Variants in CCDC7 observed in about 807,000 individuals in gnomAD.
The protein encoded by CCDC7 is coiled-coil domain-containing protein 7.
CCDC7 carries 183 observed loss-of-function variants against 196.9 expected under a neutral mutation model. That is an observed-to-expected ratio of 0.93 (90% CI 0.82 to 1.05). The LOEUF (loss-of-function observed/expected upper bound fraction) is 1.05, where lower values mean the gene tolerates loss of function less well. Among genes scored for constraint, CCDC7 ranks in the 50% least tolerant of loss-of-function variants. The probability of loss-of-function intolerance (pLI) is 0.00; values close to 1 mark genes in which losing one functional copy is unlikely to be tolerated. For synonymous variants in CCDC7, 525 were observed against 484.6 expected (o/e 1.08, Z -1.10); for missense variants, 1,540 against 1,482.2 (o/e 1.04, Z -0.64).
In CCDC7 at chr10:32,492,448, A is replaced by G. The variant is rs934771415; in HGVS notation, c.872+451A>G. ...AAAGATGGAAGCAACCCACATGTGC[A>G]ACAATGAATAAATGGATAAACAAAA... On this transcript the variant is annotated intron_variant, in intron 9 of 41. Transcript: ENST00000639629. Among the ~76,000 whole-genome samples, 44 of 152,204 alleles carry G rather than the reference A, an allele frequency of 2.9e-4. 1 individual carries two copies. The highest frequency in any genetic ancestry group is 1.0e-4 in the Non-Finnish European group (7 of 68,008).
chr10:32,555,870 T>C (rs1187140496), intron 13 of CCDC7, among the ~76,000 whole-genome samples: 3 of 152,236 alleles, frequency 2.0e-5, no homozygotes, highest in Non-Finnish European at 4.4e-5. Flanking sequence ...GTTTTATTCC[T>C]ATGTCTGACG....
chr10:32,864,507 C>CAT (rs1429469444), intron 41 of CCDC7, among the ~76,000 whole-genome samples: 1 of 151,030 alleles, frequency 6.6e-6, no homozygotes, highest in East Asian at 1.9e-4. Context: ...TATACACACA[C>CAT]ATATATATTA....
intron 21 of CCDC7, among the ~76,000 whole-genome samples, chr10:32,669,808 G>A: frequency 6.6e-6 from 1 of 151,342 alleles, no homozygotes; most frequent in Non-Finnish European, 1.5e-5. Flanking sequence ...TTCTTTTTTT[G>A]TTGTTGTTGT....
chr10:32,683,962 T>A (rs530680754), intron 21 of CCDC7, among the ~76,000 whole-genome samples: 2 of 152,248 alleles, frequency 1.3e-5, no homozygotes, highest in East Asian at 3.9e-4. Context: ...CTATACTGTC[T>A]CTCTATCCTC....
intron 8 of CCDC7, among the ~76,000 whole-genome samples, chr10:32,476,996 T>C (rs993276322): frequency 1.3e-5 from 2 of 152,192 alleles, no homozygotes; most frequent in Admixed American, 1.3e-4. Flanking sequence ...ATTCTCTCAG[T>C]CTGTGGCTTA....
intron 41 of CCDC7, among the ~76,000 whole-genome samples, chr10:32,857,428 C>T (rs968569402): frequency 2.0e-5 from 3 of 152,136 alleles, no homozygotes; most frequent in African/African-American, 4.8e-5. Flanking sequence ...ATACCTAATA[C>T]TATTTCTGAA....
intron 8 of CCDC7, among the ~76,000 whole-genome samples, chr10:32,487,760 T>A (rs1168575690): frequency 1.3e-5 from 2 of 152,234 alleles, no homozygotes; most frequent in African/African-American, 4.8e-5. Flanking sequence ...CTCCAGACCC[T>A]GTTTGCCTGG....
intron 21 of CCDC7, among the ~76,000 whole-genome samples, chr10:32,678,202 A>C (rs1169708226): frequency 1.3e-5 from 2 of 151,890 alleles, no homozygotes; most frequent in Non-Finnish European, 2.9e-5. Flanking sequence ...TGTCTTTTTC[A>C]GGGAGGTCAT....
At chr10:32,484,834 C>G (rs956347319) in intron 8 of CCDC7, among the ~76,000 whole-genome samples, 1 of 152,170 alleles carries the variant, frequency 6.6e-6, no homozygotes, top group Non-Finnish European at 1.5e-5. Context: ...AGCCTTGCAT[C>G]CCAGGGATGA....
At chr10:32,783,577 G>T (rs191015476) in intron 29 of CCDC7, among the ~76,000 whole-genome samples, 1 of 152,310 alleles carries the variant, frequency 6.6e-6, no homozygotes, top group East Asian at 1.9e-4. Context: ...AACTGTCACT[G>T]CTGTGGAAAA....
At chr10:32,818,506 A>G (rs1385081285) in intron 31 of CCDC7, among the ~76,000 whole-genome samples, 1 of 152,016 alleles carries the variant, frequency 6.6e-6, no homozygotes, top group Admixed American at 6.6e-5. Context: ...CATCTACAGA[A>G]CTCTCCACCC....
chr10:32,654,812 A>G (rs556758286), intron 20 of CCDC7, among the ~76,000 whole-genome samples: 2 of 152,258 alleles, frequency 1.3e-5, no homozygotes, highest in Admixed American at 1.3e-4. Context: ...GCACAGCCCT[A>G]CATATGTGTT....
At chr10:32,731,970 T>A (rs2084052261) in intron 28 of CCDC7, among the ~76,000 whole-genome samples, 1 of 152,146 alleles carries the variant, frequency 6.6e-6, no homozygotes, top group Non-Finnish European at 1.5e-5. Context: ...GGAGAATTGC[T>A]TGAATCCGTG....
At chr10:32,780,391 TTG>T (rs2080852902) in intron 29 of CCDC7, among the ~76,000 whole-genome samples, 1 of 152,222 alleles carries the variant, frequency 6.6e-6, no homozygotes, top group African/African-American at 2.4e-5. Flanking sequence ...ACTCTGCTCT[TTG>T]TATCTATAAT....
chr10:32,587,457 C>T (rs1200425268), intron 18 of CCDC7, among the ~76,000 whole-genome samples: 1 of 152,152 alleles, frequency 6.6e-6, no homozygotes, highest in Non-Finnish European at 1.5e-5. Flanking sequence ...AACTTACCCC[C>T]TCCTACAATA....
intron 28 of CCDC7, among the ~76,000 whole-genome samples, chr10:32,740,999 C>T (rs1021750758): frequency 5.3e-5 from 8 of 151,908 alleles, no homozygotes; most frequent in African/African-American, 1.9e-4. Context: ...TGTCTACCTG[C>T]ATTAATGAAA....
chr10:32,534,923 G>A (rs2050231899), intron 11 of CCDC7, among the ~76,000 whole-genome samples: 1 of 151,946 alleles, frequency 6.6e-6, no homozygotes, highest in Non-Finnish European at 1.5e-5. Flanking sequence ...AGCAAGTACA[G>A]GTCTCCTGTC....
chr10:32,480,846 A>T (rs2039839777), intron 8 of CCDC7, among the ~76,000 whole-genome samples: 1 of 152,188 alleles, frequency 6.6e-6, no homozygotes, highest in African/African-American at 2.4e-5. Flanking sequence ...ACTATCTTGT[A>T]TATGTCTGTT....
At chr10:32,745,106 T>C (rs2074488728) in intron 28 of CCDC7, among the ~76,000 whole-genome samples, 2 of 152,236 alleles carry the variant, frequency 1.3e-5, no homozygotes, top group Admixed American at 1.3e-4. Context: ...CCTTTGCTCC[T>C]TCATTAAAAT....
Sources: allele counts gnomAD v4.1 joint callset (sites outside exome capture counted in the v4.1 genomes callset), GRCh38; gene constraint gnomAD v4.1.1; transcripts MANE v1.5; gene names NCBI Gene and HGNC (gene_info 2026-07-23, HGNC 2026-07-21).